The following C7 variants were observed in gnomAD, a reference collection of about 807,000 sequenced individuals.
C7 encodes complement component C7.
In C7, 83 loss-of-function variants were observed where a neutral mutation model predicts 104.8. That is an observed-to-expected ratio of 0.79 (90% CI 0.66 to 0.95). The LOEUF (loss-of-function observed/expected upper bound fraction) is 0.95, where lower values mean the gene tolerates loss of function less well. C7 is among the 40% of genes least tolerant of loss of function. The pLI is 0.00. For synonymous variants in C7, 415 were observed against 360.6 expected, an observed-to-expected ratio of 1.15 and a Z score of -1.71; for missense variants, 1,070 against 1,011.2, an observed-to-expected ratio of 1.06 and a Z score of -0.79.
At chr5:40,977,677 T>C (rs555458649) in intron 16 of C7, among the ~76,000 whole-genome samples, 138 of 152,250 alleles carry the variant, frequency 9.1e-4, no homozygotes, top group African/African-American at 3.2e-3. Context: ...TGCTAGTCAG[T>C]GCTCACCACT....
Position 40,984,479 on chromosome 5 carries a change from G to A in C7, c.*2906G>A, listed in dbSNP as rs1466082645. 6.6e-6 allele frequency among the ~76,000 whole-genome samples: 1 copy of A among 152,182 alleles called. No individual in the cohort carries two copies. Among genetic ancestry groups the A allele is most frequent in the Admixed American group, 6.5e-5 (1 of 15,284 alleles). ...CATCTAGTTGTTTTGTAACTGCTAAGAGCTGCAAGTGCTGAGCAGCTGGTT... is the reference window on the plus strand; with the variant it reads ...CATCTAGTTGTTTTGTAACTGCTAAAAGCTGCAAGTGCTGAGCAGCTGGTT... On this transcript the variant is annotated 3_prime_UTR_variant, in exon 18 of 18. Coordinates refer to ENST00000313164, the MANE Select transcript of C7 (RefSeq NM_000587.4).
intron 3 of C7, among the ~76,000 whole-genome samples, chr5:40,932,546 A>G (rs1739719165): frequency 6.6e-6 from 1 of 152,182 alleles, no homozygotes; most frequent in Non-Finnish European, 1.5e-5. Context: ...ATTTTGAAGC[A>G]TCATCATTAA....
At chr5:40,917,201 A>G (rs1739337390) in intron 1 of C7, among the ~76,000 whole-genome samples, 1 of 151,950 alleles carries the variant, frequency 6.6e-6, no homozygotes, top group Non-Finnish European at 1.5e-5. Context: ...TGTATGATAG[A>G]TCTCTTGAAC....
At chr5:40,919,566 G>T (rs747318035) in intron 1 of C7, among the ~76,000 whole-genome samples, 102 of 152,178 alleles carry the variant, frequency 6.7e-4, no homozygotes, top group Non-Finnish European at 1.2e-3. Flanking sequence ...GTTCAAGGCT[G>T]CAGTAGCTAT....
chr5:40,927,820 G>A (rs919468613), intron 1 of C7, among the ~76,000 whole-genome samples: 1 of 152,190 alleles, frequency 6.6e-6, no homozygotes, highest in East Asian at 1.9e-4. Context: ...TGGAAAAAAG[G>A]GAATCCCTGT....
intron 1 of C7, among the ~76,000 whole-genome samples, chr5:40,919,745 TTAAAAATCTTTAGATAACAAGA>T (rs544903266): frequency 7.3e-4 from 111 of 151,976 alleles, no homozygotes; most frequent in South Asian, 3.1e-3. Flanking sequence ...AAAAGGGAAA[TTAAAAATCTTTAGATAACAAGA>T]TAAAAATCTT....
chr5:40,937,652 T>C lies in C7; in HGVS notation c.529T>C (p.Tyr177His). ...GTTTAGTGGGGATGGAAAAGATTTC[T>C]ACAGGCTGAGTGGAAATGTCCTGTC... ...KVFSGDGKDF[Y>H]RLSGNVLSYT... Residue 177 changes from tyrosine (Y) to histidine (H), a missense_variant, in exon 6 of 18, where the codon TAC becomes CAC. Transcript: ENST00000313164. The C allele has an allele frequency of 2.5e-6, 4 of 1,605,770 alleles. No individual in the cohort carries two copies. Among genetic ancestry groups the C allele is most frequent in the Non-Finnish European group, 3.4e-6 (4 of 1,175,332 alleles).
intron 6 of C7, among the ~76,000 whole-genome samples, chr5:40,943,917 G>A (rs1038572819): frequency 6.6e-6 from 1 of 152,124 alleles, no homozygotes; most frequent in South Asian, 2.1e-4. Flanking sequence ...TGGTATTTTG[G>A]TGTATTTCTG....
chr5:40,958,008 G>A, intron 10 of C7, 25 bp from the exon 11 acceptor site: 1 of 1,517,630 alleles, frequency 6.6e-7, no homozygotes, highest in Non-Finnish European at 9.0e-7. Flanking sequence ...CCTGATTACT[G>A]ACTATAATGT....
intron 6 of C7, among the ~76,000 whole-genome samples, chr5:40,943,793 A>G (rs1388782715): frequency 6.6e-6 from 1 of 151,896 alleles, no homozygotes; most frequent in Non-Finnish European, 1.5e-5. Context: ...AATGTGATGG[A>G]AATAATGCTC....
At chr5:40,911,700 T>C (rs1029978126) in intron 1 of C7, among the ~76,000 whole-genome samples, 2 of 152,074 alleles carry the variant, frequency 1.3e-5, no homozygotes, top group African/African-American at 4.8e-5. Flanking sequence ...CTTAGCTACA[T>C]TGACACAGAA....
chr5:40,955,298 T>A, intron 9 of C7, 89 bp from the exon 10 acceptor site: 1 of 1,221,548 alleles, frequency 8.2e-7, no homozygotes, highest in Non-Finnish European at 1.2e-6. Context: ...GTTTCCATAG[T>A]TTGGCTTTTT....
chr5:40,912,472 G>C (rs1739228559), intron 1 of C7, among the ~76,000 whole-genome samples: 1 of 152,090 alleles, frequency 6.6e-6, no homozygotes, highest in Admixed American at 6.6e-5. Context: ...GCTACATCCT[G>C]GGCTCAAGTG....
chr5:40,959,654 G>GGGTACTGTGTTCTATGC, intron 12 of C7, 34 bp downstream of exon 12: 1 of 1,512,216 alleles, frequency 6.6e-7, no homozygotes, highest in Non-Finnish European at 8.9e-7. Context: ...CAGTTGCATA[G>GGGTACTGTGTTCTATGC]AACACAGTAC....
At chr5:40,973,154 C>T (rs1044304005) in intron 15 of C7, among the ~76,000 whole-genome samples, 1 of 152,074 alleles carries the variant, frequency 6.6e-6, no homozygotes, top group African/African-American at 2.4e-5. Context: ...TATTTTAACA[C>T]CAAGAAAATT....
intron 10 of C7, 34 bp from the exon 11 acceptor site, chr5:40,957,999 C>G (rs1479855891): frequency 1.1e-5 from 16 of 1,474,740 alleles, no homozygotes; most frequent in Non-Finnish European, 1.5e-5. Context: ...GCCTAAATCC[C>G]TGATTACTGA....
In C7 at chr5:40,931,427, C is replaced by T. The variant is rs28439462; in HGVS notation, c.138+288C>T. Among the ~76,000 whole-genome samples the T allele has an allele frequency of 7.5e-3, 1,137 of 152,252 alleles. 18 individuals are homozygous for T. The highest frequency in any genetic ancestry group is 0.026 in the African/African-American group (1,092 of 41,536). On this transcript the variant is annotated intron_variant, in intron 3 of 17. Transcript: ENST00000313164. ...TCAAGGCAATTTACTAACTCTTTAACTATGAGAGAAATAGGAATAACATAG... is the reference window on the plus strand; with the variant it reads ...TCAAGGCAATTTACTAACTCTTTAATTATGAGAGAAATAGGAATAACATAG...
chr5:40,979,908 TG>T lies in C7; in HGVS notation c.2350+1del, dbSNP rs779723422. 2.0e-4 allele frequency: 314 copies of T among 1,584,484 alleles called. No individual in the cohort carries two copies. The highest frequency in any genetic ancestry group is 2.5e-4 in the Non-Finnish European group (296 of 1,162,280). Reference protein sequence around the residue: ...GACPLWGKCDAESSKCVCREA... With the variant: ...GACPLWGKCDXESSKCVCREA... ...CCTGCCCACTGTGGGGAAAATGTGA[TG>T]GTAAGGGGCCTTTCATATTTGTAAG... On this transcript the variant is annotated frameshift_variant and splice_region_variant, in exon 17 of 18. Coordinates refer to ENST00000313164, the MANE Select transcript of C7 (RefSeq NM_000587.4). LOFTEE classifies it low-confidence loss of function (END_TRUNC).
rs1168900101 is a variant in C7 at position 40,983,388 on chromosome 5, T to C, written c.*1815T>C. On this transcript the variant is annotated 3_prime_UTR_variant, in exon 18 of 18. Transcript: ENST00000313164. Reference sequence around the variant, plus strand: ...ATAATACAGAGGATATGGTCAGCATTATCACATATCATCAGAGATTGAGGT... The same window carrying C: ...ATAATACAGAGGATATGGTCAGCATCATCACATATCATCAGAGATTGAGGT... Among the ~76,000 whole-genome samples the C allele has an allele frequency of 6.6e-6, 1 of 152,140 alleles. No homozygotes were observed. Among genetic ancestry groups the C allele is most frequent in the Admixed American group, 6.5e-5 (1 of 15,270 alleles).
Sources: gnomAD v4.1 joint callset for allele counts (sites outside exome capture counted in the v4.1 genomes callset) on GRCh38, gnomAD v4.1.1 for gene constraint, MANE v1.5 for transcripts, NCBI Gene and HGNC (gene_info 2026-07-23, HGNC 2026-07-21) for gene names.